LRRIQ3: variants seen among roughly 807,000 people sequenced by gnomAD.
LRRIQ3 encodes the protein leucine rich repeats and IQ motif containing 3.
Under a neutral mutation model 59.3 loss-of-function variants are expected in LRRIQ3, and 75 were observed. The observed-to-expected ratio is 1.26, with a 90% confidence interval of 1.05 to 1.53. The LOEUF is 1.53. Among genes scored for constraint, LRRIQ3 ranks in the 40% most tolerant of loss-of-function variants. The probability of loss-of-function intolerance (pLI) is 0.00; values close to 1 mark genes in which losing one functional copy is unlikely to be tolerated. For synonymous variants in LRRIQ3, 250 were observed against 231.3 expected, an observed-to-expected ratio of 1.08 and a Z score of -0.73; for missense variants, 831 against 710.0, an observed-to-expected ratio of 1.17 and a Z score of -1.94.
chr1:74,048,494 T>A (rs1654269477), intron 6 of LRRIQ3, among the ~76,000 whole-genome samples: 1 of 152,152 alleles, frequency 6.6e-6, no homozygotes, highest in Non-Finnish European at 1.5e-5. Context: ...TTACATATGA[T>A]CTCAGTGAAC....
chr1:74,053,193 A>G (rs1654422136), intron 6 of LRRIQ3, among the ~76,000 whole-genome samples: 2 of 151,596 alleles, frequency 1.3e-5, no homozygotes, highest in Non-Finnish European at 2.9e-5. Context: ...AAAAAAAAAA[A>G]ACAAATTAAT....
chr1:74,155,669 TC>T, intron 4 of LRRIQ3, 63 bp downstream of exon 4: 9 of 1,430,146 alleles, frequency 6.3e-6, no homozygotes, highest in Non-Finnish European at 8.5e-6. Context: ...AGAATTGACT[TC>T]TTATCATTTA....
intron 6 of LRRIQ3, among the ~76,000 whole-genome samples, chr1:74,052,388 G>A (rs549181760): frequency 6.6e-6 from 1 of 152,016 alleles, no homozygotes. Context: ...TCAAATTCAC[G>A]ATGCCATAGT....
At chr1:74,132,280 T>C (rs1647036104) in intron 4 of LRRIQ3, among the ~76,000 whole-genome samples, 1 of 152,096 alleles carries the variant, frequency 6.6e-6, no homozygotes, top group Non-Finnish European at 1.5e-5. Flanking sequence ...ATCAATATTG[T>C]GAAAATGGCC....
chr1:74,029,545 A>C (rs1251511281), intron 7 of LRRIQ3, among the ~76,000 whole-genome samples: 2 of 152,096 alleles, frequency 1.3e-5, no homozygotes, highest in African/African-American at 2.4e-5. Context: ...CCAGGGATGA[A>C]GCCCACTTGA....
intron 4 of LRRIQ3, among the ~76,000 whole-genome samples, chr1:74,116,726 G>C (rs569524992): frequency 6.6e-6 from 1 of 152,090 alleles, no homozygotes; most frequent in African/African-American, 2.4e-5. Flanking sequence ...TGTTTAGAAT[G>C]CTTTAAAAGT....
At chr1:74,076,638 G>A (rs1399525998) in intron 5 of LRRIQ3, among the ~76,000 whole-genome samples, 1 of 151,824 alleles carries the variant, frequency 6.6e-6, no homozygotes, top group Non-Finnish European at 1.5e-5. Flanking sequence ...AAAGACACTT[G>A]GATATGTGCC....
intron 3 of LRRIQ3, chr1:74,180,857 T>G: frequency 6.9e-7 from 1 of 1,456,032 alleles, no homozygotes; most frequent in Non-Finnish European, 9.3e-7. Flanking sequence ...CCATCCACCC[T>G]AGCTAATGTA....
At chr1:74,172,084 C>T (rs967699007) in intron 3 of LRRIQ3, among the ~76,000 whole-genome samples, 2 of 151,842 alleles carry the variant, frequency 1.3e-5, no homozygotes, top group Non-Finnish European at 2.9e-5. Context: ...AATTTCTTTG[C>T]TATTCCGTAT....
chr1:74,116,222 C>T (rs1646774731), intron 4 of LRRIQ3, among the ~76,000 whole-genome samples: 1 of 151,878 alleles, frequency 6.6e-6, no homozygotes, highest in Non-Finnish European at 1.5e-5. Context: ...AATAAAAATC[C>T]ATACACTGCC....
chr1:74,161,341 C>T (rs995094443), intron 3 of LRRIQ3, among the ~76,000 whole-genome samples: 21 of 152,154 alleles, frequency 1.4e-4, no homozygotes, highest in African/African-American at 5.1e-4. Flanking sequence ...GCAGTCTCAC[C>T]TTCATCGTAT....
chr1:74,142,603 T>C (rs963428880), intron 4 of LRRIQ3, among the ~76,000 whole-genome samples: 4 of 152,050 alleles, frequency 2.6e-5, no homozygotes, highest in Non-Finnish European at 5.9e-5. Flanking sequence ...GTGTCATATA[T>C]TATATACAAT....
At chr1:74,170,714 A>C (rs1557651704) in intron 3 of LRRIQ3, among the ~76,000 whole-genome samples, 1 of 152,126 alleles carries the variant, frequency 6.6e-6, no homozygotes, top group Non-Finnish European at 1.5e-5. Flanking sequence ...TCTGTAAAAA[A>C]GTACTTAGGT....
chr1:74,044,720 C>G (rs1038789180), intron 6 of LRRIQ3, among the ~76,000 whole-genome samples: 4 of 151,724 alleles, frequency 2.6e-5, no homozygotes, highest in Non-Finnish European at 4.4e-5. Flanking sequence ...ACTAGCCAGA[C>G]TAATAAGAAT....
chr1:74,107,563 AAAG>A (rs1383175173), intron 5 of LRRIQ3, among the ~76,000 whole-genome samples: 7 of 149,934 alleles, frequency 4.7e-5, no homozygotes, highest in African/African-American at 7.3e-5. Context: ...ATAATGAATA[AAAG>A]AATAATATGT....
chr1:74,041,070 A>C (rs1477024791), intron 7 of LRRIQ3, 143 bp downstream of exon 7: 3 of 678,650 alleles, frequency 4.4e-6, no homozygotes, highest in Non-Finnish European at 7.1e-6. Context: ...ATATTAGTAT[A>C]TTATTTGTTC....
At chr1:74,051,645 C>T (rs1236274680) in intron 6 of LRRIQ3, among the ~76,000 whole-genome samples, 2 of 152,074 alleles carry the variant, frequency 1.3e-5, no homozygotes, top group Non-Finnish European at 2.9e-5. Context: ...AGTCATTCAC[C>T]ATCCCCTGTC....
intron 5 of LRRIQ3, among the ~76,000 whole-genome samples, chr1:74,097,496 G>C (rs563243070): frequency 6.6e-6 from 1 of 152,274 alleles, no homozygotes; most frequent in East Asian, 1.9e-4. Flanking sequence ...ATATTATCCA[G>C]GAGAACTTCC....
chr1:74,029,848 A>T (rs1653643238), intron 7 of LRRIQ3, among the ~76,000 whole-genome samples: 1 of 151,906 alleles, frequency 6.6e-6, no homozygotes, highest in African/African-American at 2.4e-5. Flanking sequence ...TTGGTTGGTA[A>T]GCTATAAACT....
Sources: gnomAD v4.1 joint callset for allele counts (sites outside exome capture counted in the v4.1 genomes callset) on GRCh38, gnomAD v4.1.1 for gene constraint, MANE v1.5 for transcripts, NCBI Gene and HGNC (gene_info 2026-07-23, HGNC 2026-07-21) for gene names.